Variants in CHD9 observed in about 807,000 individuals in gnomAD.
CHD9 encodes ATP-dependent chromatin remodeler CHD9.
In CHD9, 77 loss-of-function variants were observed where a neutral mutation model predicts 316.1. That is an observed-to-expected ratio of 0.24 (90% CI 0.20 to 0.29). The LOEUF (loss-of-function observed/expected upper bound fraction) is 0.29. Among genes scored for constraint, CHD9 ranks in the 10% least tolerant of loss-of-function variants. CHD9 has a pLI of 1.00. For synonymous variants in CHD9, 1,129 were observed against 1,158.3 expected (o/e 0.97, Z 0.51); for missense variants, 2,763 against 3,438.1 (o/e 0.80, Z 4.91).
At chr16:53,196,041 ACCCACTGTG>A (rs1380938694) in intron 2 of CHD9, among the ~76,000 whole-genome samples, 1 of 152,096 alleles carries the variant, frequency 6.6e-6, no homozygotes, top group Non-Finnish European at 1.5e-5. Context: ...TACAGGCATG[ACCCACTGTG>A]CCCAGCCTCC....
intron 8 of CHD9, among the ~76,000 whole-genome samples, chr16:53,229,965 T>C (rs2152923904): frequency 6.6e-6 from 1 of 152,342 alleles, no homozygotes; most frequent in East Asian, 1.9e-4. Flanking sequence ...TGTATGTGTG[T>C]GTGTGTGTTT....
chr16:53,274,315 A>ATTT lies in CHD9; in HGVS notation c.4967+16_4967+18dup. On this transcript the variant is annotated intron_variant, in intron 24 of 38. Coordinates refer to ENST00000447540, the MANE Select transcript of CHD9 (RefSeq NM_001308319.2). ...GAGTTGATGCAAGGTAAGTTAAACAATTTTTATTATTTTTGTTTGTTTGTT... is the reference window on the plus strand; with the variant it reads ...GAGTTGATGCAAGGTAAGTTAAACAATTTTTTTTATTATTTTTGTTTGTTTGTT... 6.7e-7 allele frequency: 1 copy of ATTT among 1,488,956 alleles called. No homozygotes were observed. The highest frequency in any genetic ancestry group is 1.4e-5 in the African/African-American group (1 of 71,110). The allele number at this position is 1,488,956 out of a possible 1,614,324, so 92.2% of individuals were successfully genotyped here. A position where few individuals can be genotyped will look rare whatever the true frequency, so the allele number is the denominator to read the frequency against.
chr16:53,281,898 A>G (rs34703427), intron 24 of CHD9, among the ~76,000 whole-genome samples: 19,625 of 152,136 alleles, frequency 0.13, 1,410 homozygotes, highest in South Asian at 0.24. Flanking sequence ...CTACTACTTA[A>G]CCTTCTTTTA....
intron 16 of CHD9, among the ~76,000 whole-genome samples, chr16:53,248,381 G>T (rs1438290781): frequency 6.6e-6 from 1 of 151,412 alleles, no homozygotes; most frequent in East Asian, 1.9e-4. Flanking sequence ...GCTATAATAG[G>T]CTAATTATCG....
chr16:53,072,052 C>T (rs976830082), intron 1 of CHD9, among the ~76,000 whole-genome samples: 6 of 152,146 alleles, frequency 3.9e-5, no homozygotes, highest in Admixed American at 2.0e-4. Flanking sequence ...ACCTCTGTAT[C>T]CAAATGTCTG....
At chr16:53,244,192 CTTTT>C (rs529369708) in intron 13 of CHD9, among the ~76,000 whole-genome samples, 1 of 135,500 alleles carries the variant, frequency 7.4e-6, no homozygotes. Flanking sequence ...AAGCATATTT[CTTTT>C]TTTTTTTTTT....
In CHD9 at chr16:53,170,603, G is replaced by T. The variant is rs1357947146; in HGVS notation, c.1452+13062G>T. 4.0e-5 allele frequency among the ~76,000 whole-genome samples: 6 copies of T among 151,818 alleles called. No homozygotes were observed. In the East Asian group the frequency reaches 1.2e-3, roughly 29 times the overall value. Reference sequence around the variant, plus strand: ...CGTGTGTGTGTGTGTGTGTGTGTGTGTGTGTGTGTGTGTGTGTTGGAAGCT... The same window carrying T: ...CGTGTGTGTGTGTGTGTGTGTGTGTTTGTGTGTGTGTGTGTGTTGGAAGCT... On this transcript the variant is annotated intron_variant, in intron 2 of 38. Transcript: ENST00000447540.
Position 53,268,088 on chromosome 16 carries a change from C to T in CHD9, c.4679C>T (p.Thr1560Ile). The change falls in exon 22 of 39, where the codon ACT (threonine) becomes ATT (isoleucine). Residue 1560 changes from threonine (T) to isoleucine (I), a missense_variant. Coordinates refer to ENST00000447540, the MANE Select transcript of CHD9 (RefSeq NM_001308319.2). ...KGFIWDLITP[T>I]EDGQTRELQN... ...TTCATATGGGATCTCATTACTCCAA[C>T]TGAAGATGGACAGACACGAGAGCTA... is the stretch of plus-strand genomic sequence containing the variant. The T allele has an allele frequency of 5.0e-6, 8 of 1,612,174 alleles. No homozygotes were observed. The highest frequency in any genetic ancestry group is 6.8e-6 in the Non-Finnish European group (8 of 1,178,956).
chr16:53,080,071 C>G (rs964032632), intron 1 of CHD9, among the ~76,000 whole-genome samples: 1 of 152,174 alleles, frequency 6.6e-6, no homozygotes, highest in Non-Finnish European at 1.5e-5. Flanking sequence ...ATCTGTGCAA[C>G]TAAGCCCTTA....
intron 12 of CHD9, 138 bp downstream of exon 12, chr16:53,238,724 T>C: frequency 1.1e-6 from 1 of 911,266 alleles, no homozygotes; most frequent in Non-Finnish European, 1.7e-6. Context: ...TTATTCATCA[T>C]TTTTATTTTA....
At chr16:53,283,009 C>G (rs1436664827) in intron 24 of CHD9, among the ~76,000 whole-genome samples, 2 of 152,158 alleles carry the variant, frequency 1.3e-5, no homozygotes, top group Admixed American at 6.6e-5. Context: ...GCCCATGTCT[C>G]TCTTCTGAAC....
At chr16:53,296,590 G>A (rs890807782) in intron 29 of CHD9, among the ~76,000 whole-genome samples, 2 of 151,760 alleles carry the variant, frequency 1.3e-5, no homozygotes, top group East Asian at 1.9e-4. Context: ...ACAGGCGCCC[G>A]CCACCATGCC....
chr16:53,230,360 C>T (rs779220339), intron 8 of CHD9, among the ~76,000 whole-genome samples: 13 of 152,012 alleles, frequency 8.6e-5, no homozygotes, highest in Admixed American at 2.0e-4. Flanking sequence ...TGGCTCATGC[C>T]GGAAATCCCA....
rs558538515 is a variant in CHD9 at position 53,133,250 on chromosome 16, A to G, written c.-164-22676A>G. On this transcript the variant is annotated intron_variant, in intron 1 of 38. Transcript: ENST00000447540. ...ACCCTTGTGATTAATTGACCAGGAGATGATATCCTAAAGGCACAGGAAATA... is the reference window on the plus strand; with the variant it reads ...ACCCTTGTGATTAATTGACCAGGAGGTGATATCCTAAAGGCACAGGAAATA... Among the ~76,000 whole-genome samples the G allele has an allele frequency of 1.9e-3, 286 of 152,284 alleles. 2 individuals are homozygous for G. The highest frequency in any genetic ancestry group is 3.9e-3 in the South Asian group (19 of 4,826).
intron 2 of CHD9, among the ~76,000 whole-genome samples, chr16:53,186,529 G>C (rs1243965224): frequency 6.6e-6 from 1 of 152,158 alleles, no homozygotes; most frequent in Non-Finnish European, 1.5e-5. Context: ...GCTGAAATAA[G>C]ACTTCGAGGG....
At chr16:53,307,376 A>G (rs2056079042) in intron 32 of CHD9, among the ~76,000 whole-genome samples, 1 of 151,972 alleles carries the variant, frequency 6.6e-6, no homozygotes, top group African/African-American at 2.4e-5. Context: ...TATGTTTCCC[A>G]GGCTGGTCTC....
intron 2 of CHD9, among the ~76,000 whole-genome samples, chr16:53,178,038 CAT>C (rs1208003576): frequency 6.6e-6 from 1 of 152,204 alleles, no homozygotes; most frequent in Non-Finnish European, 1.5e-5. Context: ...AGAGAACACA[CAT>C]AGGGAATAGG....
At chr16:53,318,481 C>A in intron 37 of CHD9, 141 bp downstream of exon 37, 1 of 649,834 alleles carries the variant, frequency 1.5e-6, no homozygotes, top group Non-Finnish European at 2.5e-6. Context: ...GGAAGACATG[C>A]AGTATAATTT....
intron 32 of CHD9, among the ~76,000 whole-genome samples, chr16:53,306,812 C>T (rs193128174): frequency 3.0e-4 from 45 of 152,016 alleles, no homozygotes; most frequent in African/African-American, 1.0e-3. Context: ...TTGAGTCTCA[C>T]TCTGTCGCCC....
Sources: allele counts gnomAD v4.1 joint callset (sites outside exome capture counted in the v4.1 genomes callset), GRCh38; gene constraint gnomAD v4.1.1; transcripts MANE v1.5; gene names NCBI Gene and HGNC (gene_info 2026-07-23, HGNC 2026-07-21).